SLC25A24: variants seen among roughly 807,000 people sequenced by gnomAD.
The protein encoded by SLC25A24 is mitochondrial adenyl nucleotide antiporter SLC25A24.
In SLC25A24, 49 loss-of-function variants were observed where a neutral mutation model predicts 60.7. The observed-to-expected ratio is 0.81, with a 90% CI of 0.64 to 1.02. The LOEUF (loss-of-function observed/expected upper bound fraction) is 1.02. Ranked by LOEUF, SLC25A24 falls within the 50% of genes least tolerant of loss-of-function variation. The pLI is 0.00. For synonymous variants in SLC25A24, 202 were observed against 200.6 expected, an observed-to-expected ratio of 1.01 and a Z score of -0.06; for missense variants, 564 against 586.3, an observed-to-expected ratio of 0.96 and a Z score of 0.39.
chr1:108,193,208 G>A lies in SLC25A24; in HGVS notation c.183+6748C>T, dbSNP rs1270048439. The stretch of plus-strand genomic sequence containing the variant: ...ATAAAATAATTTTATTGTAGATTCA[G>A]GGGTTACACCATCAGCTTGTTACAA... On this transcript the variant is annotated intron_variant, in intron 1 of 9. Transcript: ENST00000565488. Among the ~76,000 whole-genome samples, 4 of 138,844 alleles carry A rather than the reference G, an allele frequency of 2.9e-5. 1 individual carries two copies. Among genetic ancestry groups the A allele is most frequent in the Non-Finnish European group, 6.3e-5 (4 of 63,536 alleles). 91.1% of individuals were successfully genotyped at this position (138,844 alleles called of 152,430 possible).
intron 1 of SLC25A24, chr1:108,199,747 T>G (rs139376685): frequency 3.4e-6 from 2 of 594,352 alleles, no homozygotes; most frequent in South Asian, 4.0e-5. Context: ...CAAATACCAG[T>G]AGACTTTCGT....
chr1:108,166,125 A>G (rs1173225871), intron 3 of SLC25A24, among the ~76,000 whole-genome samples: 1 of 151,822 alleles, frequency 6.6e-6, no homozygotes, highest in Admixed American at 6.6e-5. Flanking sequence ...ATTGGCCCCC[A>G]CTCTCTTCTG....
At chr1:108,194,196 G>A (rs1246562650) in intron 1 of SLC25A24, among the ~76,000 whole-genome samples, 1 of 138,434 alleles carries the variant, frequency 7.2e-6, no homozygotes, top group Non-Finnish European at 1.6e-5. Context: ...TTTCCCTCTG[G>A]GAGGAGGTTG....
intron 3 of SLC25A24, among the ~76,000 whole-genome samples, chr1:108,174,172 A>AG (rs1179529269): frequency 1.3e-5 from 2 of 152,218 alleles, no homozygotes; most frequent in African/African-American, 2.4e-5. Context: ...GTCTTCAGGA[A>AG]GGGCCCTCCC....
intron 3 of SLC25A24, among the ~76,000 whole-genome samples, chr1:108,165,621 T>C (rs950881990): frequency 5.9e-5 from 9 of 152,102 alleles, no homozygotes; most frequent in South Asian, 2.1e-4. Flanking sequence ...GCAACCCCTG[T>C]CTTTTTTTGT....
At chr1:108,150,886 G>A (rs906359579) in intron 6 of SLC25A24, among the ~76,000 whole-genome samples, 2 of 151,750 alleles carry the variant, frequency 1.3e-5, no homozygotes, top group South Asian at 4.2e-4. Context: ...TCAGCAACAG[G>A]CACATTAAAG....
chr1:108,188,572 T>C (rs1648229698), intron 1 of SLC25A24, among the ~76,000 whole-genome samples: 1 of 152,146 alleles, frequency 6.6e-6, no homozygotes. Context: ...CCAATGGAAA[T>C]ATCAGCGAAC....
Position 108,173,119 on chromosome 1 carries a change from C to T in SLC25A24, c.398+8822G>A, listed in dbSNP as rs183673026. ...TGGTGGCTCATGCCTGTAATCCCAG[C>T]ACTTTGGTAGGGCAAGGTGGGTGGA... On this transcript the variant is annotated intron_variant, in intron 3 of 9. Transcript: ENST00000565488. Among the ~76,000 whole-genome samples the T allele has an allele frequency of 4.9e-3, 749 of 152,170 alleles. 3 individuals carry two copies. Among genetic ancestry groups the T allele is most frequent in the Middle Eastern group, 0.027 (8 of 294 alleles).
rs759804379 is a variant in SLC25A24 at position 108,185,858 on chromosome 1, C to T, written c.280G>A (p.Ala94Thr). 3.1e-6 allele frequency: 5 copies of T among 1,589,648 alleles called. No homozygotes were observed. The East Asian group carries it at 1.1e-4, about 36-fold the overall frequency. Reference sequence around the variant, plus strand: ...TTATTTTTGTCTAAACTCTTAAATGCCAATTTCATTTTCTTCTCATGGTCT... The same window carrying T: ...TTATTTTTGTCTAAACTCTTAAATGTCAATTTCATTTTCTTCTCATGGTCT... ...LKDHEKKMKL[A>T]FKSLDKNNDG... Residue 94 changes from alanine to threonine, a missense_variant, in exon 2 of 10, where the codon GCA becomes ACA. Ala to Thr is a moderately conservative substitution (Grantham distance 58). Transcript: ENST00000565488.
chr1:108,196,176 A>C (rs527838516), intron 1 of SLC25A24, among the ~76,000 whole-genome samples: 16 of 152,230 alleles, frequency 1.1e-4, no homozygotes, highest in African/African-American at 3.9e-4. Context: ...TAAAAACTTA[A>C]AGACAGAATT....
At chr1:108,163,081 G>A (rs2101620443) in intron 3 of SLC25A24, among the ~76,000 whole-genome samples, 1 of 132,296 alleles carries the variant, frequency 7.6e-6, no homozygotes, top group African/African-American at 3.0e-5. Context: ...TTTTTCTCAG[G>A]TTTGTCAAAG....
rs1470627510 is a variant in SLC25A24, at chr1:108,187,922, T to TTATATATATATATATATATATATATA, written c.184-1969_184-1968insTATATATATATATATATATATATATA. Among the ~76,000 whole-genome samples the TTATATATATATATATATATATATATA allele has an allele frequency of 7.3e-3, 370 of 50,990 alleles. 18 individuals are homozygous for TTATATATATATATATATATATATATA. Among genetic ancestry groups the TTATATATATATATATATATATATATA allele is most frequent in the African/African-American group, 0.026 (300 of 11,460 alleles). 33.5% of individuals were successfully genotyped at this position (50,990 alleles called of 152,430 possible). A position where few individuals can be genotyped will look rare whatever the true frequency, so the allele number is the denominator to read the frequency against. ...CATAATACACGAAATGGATAAGACA[T>TTATATATATATATATATATATATATA]TATAGATATATATATATATATATTC... On this transcript the variant is annotated intron_variant, in intron 1 of 9. Coordinates refer to ENST00000565488, the MANE Select transcript of SLC25A24 (RefSeq NM_013386.5).
In SLC25A24 at chr1:108,178,736, C is replaced by G. The variant is rs566742879; in HGVS notation, c.398+3205G>C. Among the ~76,000 whole-genome samples, 9 of 152,106 alleles carry G rather than the reference C, an allele frequency of 5.9e-5. No homozygotes were observed. In the East Asian group the frequency reaches 1.7e-3, roughly 30 times the overall value. On this transcript the variant is annotated intron_variant, in intron 3 of 9. Transcript: ENST00000565488. ...GGCTGAGGCAGGAGAATGACGGGAA[C>G]CCGGGAGGCGGAGCTTGCAGTGAGC...
intron 1 of SLC25A24, among the ~76,000 whole-genome samples, chr1:108,191,217 A>G: frequency 7.2e-6 from 1 of 138,410 alleles, no homozygotes. Context: ...AGCTTGCTGC[A>G]ACCTCTGCCT....
chr1:108,156,834 C>T (rs1048001731), intron 5 of SLC25A24, among the ~76,000 whole-genome samples: 2 of 152,130 alleles, frequency 1.3e-5, no homozygotes, highest in African/African-American at 2.4e-5. Context: ...ACTGCATTCC[C>T]CCTCTCATTT....
intron 9 of SLC25A24, among the ~76,000 whole-genome samples, chr1:108,137,682 GGA>G (rs1679327800): frequency 6.6e-6 from 1 of 152,160 alleles, no homozygotes; most frequent in Non-Finnish European, 1.5e-5. Flanking sequence ...GCAAAGTTCT[GGA>G]TCAGAGCTGG....
At chr1:108,173,335 G>A (rs774790894) in intron 3 of SLC25A24, among the ~76,000 whole-genome samples, 18 of 152,180 alleles carry the variant, frequency 1.2e-4, no homozygotes, top group South Asian at 6.2e-4. Context: ...GAGTTCTCAC[G>A]AGATATGATG....
intron 9 of SLC25A24, among the ~76,000 whole-genome samples, chr1:108,137,897 T>C (rs1236744141): frequency 1.3e-5 from 2 of 152,228 alleles, no homozygotes; most frequent in Admixed American, 6.5e-5. Context: ...AGTTCACTAC[T>C]TTGTGTTTTT....
chr1:108,192,667 G>A lies in SLC25A24; in HGVS notation c.184-6713C>T. 3 of 1,478,410 alleles carry A rather than the reference G, an allele frequency of 2.0e-6. 1 individual carries two copies. Among genetic ancestry groups the A allele is most frequent in the East Asian group, 5.8e-5 (2 of 34,706 alleles). 91.6% of individuals were successfully genotyped at this position (1,478,410 alleles called of 1,614,324 possible). A position where few individuals can be genotyped will look rare whatever the true frequency, so the allele number is the denominator to read the frequency against. ...CTCCGCGGCCTGAGTGAGCCCCAGCGGGGTGGAAGTGCGACCGACGAACGG... is the reference window on the plus strand; with the variant it reads ...CTCCGCGGCCTGAGTGAGCCCCAGCAGGGTGGAAGTGCGACCGACGAACGG... On this transcript the variant is annotated intron_variant, in intron 1 of 9. Coordinates refer to ENST00000565488, the MANE Select transcript of SLC25A24 (RefSeq NM_013386.5).
Sources: allele counts gnomAD v4.1 joint callset (sites outside exome capture counted in the v4.1 genomes callset), GRCh38; gene constraint gnomAD v4.1.1; transcripts MANE v1.5; gene names NCBI Gene and HGNC (gene_info 2026-07-23, HGNC 2026-07-21).